Variants in TLN2 observed in about 807,000 individuals in gnomAD.
TLN2 encodes talin-2.
A neutral mutation model predicts 294.7 loss-of-function variants in TLN2; 118 were observed. That is an observed-to-expected ratio of 0.40 (90% CI 0.34 to 0.47). The LOEUF is 0.47. Among genes scored for constraint, TLN2 ranks in the 20% least tolerant of loss-of-function variants. TLN2 has a pLI of 0.84. For synonymous variants in TLN2, 1,431 were observed against 1,304.5 expected, an observed-to-expected ratio of 1.10 and a Z score of -2.09; for missense variants, 3,083 against 3,282.2, an observed-to-expected ratio of 0.94 and a Z score of 1.48.
chr15:62,702,348 G>A, intron 18 of TLN2, 148 bp downstream of exon 18: 2 of 924,032 alleles, frequency 2.2e-6, no homozygotes, highest in Non-Finnish European at 1.6e-6. Flanking sequence ...TGTGGAACTG[G>A]GTGCAGAAGC....
chr15:62,437,385 G>C (rs1005825931), intron 1 of TLN2, among the ~76,000 whole-genome samples: 2 of 151,884 alleles, frequency 1.3e-5, no homozygotes, highest in African/African-American at 4.8e-5. Context: ...AGCTAGCTGG[G>C]ACTATAAGTG....
In TLN2 at chr15:62,800,786, T is replaced by G; in HGVS notation, c.6477+17T>G. ...GAGCTTACGGTAAGGAGCCAGCAGT[T>G]ACCTCCCTTGGGTACCAGAGTCCCA... On this transcript the variant is annotated intron_variant, in intron 50 of 58. Transcript: ENST00000636159. The G allele has an allele frequency of 6.3e-7, 1 of 1,599,804 alleles. No individual in the cohort carries two copies. Among genetic ancestry groups the G allele is most frequent in the Non-Finnish European group, 8.5e-7 (1 of 1,171,808 alleles).
intron 1 of TLN2, among the ~76,000 whole-genome samples, chr15:62,433,720 T>C (rs768992086): frequency 2.6e-5 from 4 of 152,168 alleles, no homozygotes; most frequent in Non-Finnish European, 5.9e-5. Flanking sequence ...TATTTGAAGC[T>C]TGAATGAATC....
chr15:62,447,371 G>T (rs375710900), intron 1 of TLN2, among the ~76,000 whole-genome samples: 11 of 152,250 alleles, frequency 7.2e-5, no homozygotes, highest in East Asian at 5.8e-4. Context: ...GGAGCACTTG[G>T]AAACAGCATG....
chr15:62,707,286 C>T, intron 20 of TLN2, 33 bp downstream of exon 20: 2 of 1,569,790 alleles, frequency 1.3e-6, no homozygotes, highest in Non-Finnish European at 1.7e-6. Flanking sequence ...CCTTTCTACC[C>T]AGTATCACCT....
At chr15:62,677,473 G>A (rs1008053279) in intron 11 of TLN2, among the ~76,000 whole-genome samples, 1 of 152,194 alleles carries the variant, frequency 6.6e-6, no homozygotes, top group Admixed American at 6.5e-5. Context: ...AGGAAGAGAA[G>A]TTGAACACCA....
chr15:62,695,359 T>C (rs2058253419), intron 14 of TLN2, among the ~76,000 whole-genome samples: 2 of 152,212 alleles, frequency 1.3e-5, no homozygotes, highest in Non-Finnish European at 2.9e-5. Flanking sequence ...GGGACAATCC[T>C]GACCATTCTT....
Position 62,757,082 on chromosome 15 carries a change from CT to C in TLN2, c.4638+1392del, listed in dbSNP as rs542648691. Among the ~76,000 whole-genome samples the C allele has an allele frequency of 9.9e-5, 15 of 152,268 alleles. No individual in the cohort carries two copies. The East Asian group carries it at 2.7e-3, about 27-fold the overall frequency. ...TACATTTAAAAATGTTTATTTTGTGCTTTAGGTATGTTACTCATTCACTCCA... is the reference window on the plus strand; with the variant it reads ...TACATTTAAAAATGTTTATTTTGTGCTTAGGTATGTTACTCATTCACTCCA... On this transcript the variant is annotated intron_variant, in intron 37 of 58. Transcript: ENST00000636159.
At chr15:62,396,854 G>A (rs1465334415) in intron 1 of TLN2, among the ~76,000 whole-genome samples, 3 of 152,060 alleles carry the variant, frequency 2.0e-5, no homozygotes, top group East Asian at 1.9e-4. Flanking sequence ...AAGGGCATGC[G>A]CCACCACTCC....
intron 1 of TLN2, among the ~76,000 whole-genome samples, chr15:62,510,861 A>G (rs1223734607): frequency 1.3e-5 from 2 of 152,260 alleles, no homozygotes; most frequent in Non-Finnish European, 2.9e-5. Context: ...GTTACGTGCT[A>G]TAGAGTGATA....
intron 32 of TLN2, among the ~76,000 whole-genome samples, chr15:62,748,040 AC>A: frequency 6.6e-6 from 1 of 152,104 alleles, no homozygotes; most frequent in Admixed American, 6.5e-5. Context: ...CACTGGTGTA[AC>A]TTTTACTGAA....
chr15:62,494,015 C>T (rs888774387), intron 1 of TLN2, among the ~76,000 whole-genome samples: 3 of 152,086 alleles, frequency 2.0e-5, no homozygotes, highest in Admixed American at 1.3e-4. Context: ...ATACCACCCC[C>T]CTTTGTCTGG....
intron 1 of TLN2, among the ~76,000 whole-genome samples, chr15:62,482,550 C>T (rs1191471358): frequency 1.4e-5 from 2 of 142,574 alleles, no homozygotes; most frequent in Non-Finnish European, 3.0e-5. Context: ...TGTGGTGAGC[C>T]GAGATCGTGC....
intron 3 of TLN2, among the ~76,000 whole-genome samples, chr15:62,643,479 G>A (rs372031256): frequency 9.2e-5 from 10 of 108,676 alleles, no homozygotes; most frequent in South Asian, 9.1e-4. Context: ...TGCAATAGTT[G>A]TTTTTGGGTG....
At chr15:62,672,252 G>C (rs945633051) in intron 9 of TLN2, among the ~76,000 whole-genome samples, 5 of 152,092 alleles carry the variant, frequency 3.3e-5, no homozygotes, top group Non-Finnish European at 4.4e-5. Flanking sequence ...ATAAATACTT[G>C]TTTCTTTCTC....
rs757466179 is a variant in TLN2, at chr15:62,719,758, C to T, written c.2878-9C>T. On this transcript the variant is annotated splice_polypyrimidine_tract_variant and intron_variant, in intron 24 of 58. Transcript: ENST00000636159. ...AGCCATGCTGTTTTTATTTCCTTGC[C>T]TTCTGCAGGCAGTGGCTGATCACAT... 2 of 1,589,566 alleles carry T rather than the reference C, an allele frequency of 1.3e-6. No individual in the cohort carries two copies. Among genetic ancestry groups the T allele is most frequent in the South Asian group, 1.1e-5 (1 of 87,292 alleles).
intron 37 of TLN2, among the ~76,000 whole-genome samples, chr15:62,759,591 C>T (rs1459841247): frequency 6.6e-6 from 1 of 152,196 alleles, no homozygotes; most frequent in Non-Finnish European, 1.5e-5. Flanking sequence ...GGCTGCCCTT[C>T]TTCCCAATAG....
Position 62,400,203 on chromosome 15 carries a change from C to T in TLN2, c.-238+9518C>T, listed in dbSNP as rs1246910877. Among the ~76,000 whole-genome samples, 7 of 152,306 alleles carry T rather than the reference C, an allele frequency of 4.6e-5. No homozygotes were observed. The East Asian group carries it at 1.3e-3, about 29-fold the overall frequency. ...GTGAAGAAGGACATGTTTGCTTCCC[C>T]TTCTGCCATTATTGTAAGTTTCCTC... On this transcript the variant is annotated intron_variant, in intron 1 of 58. Transcript: ENST00000636159.
At chr15:62,466,700 A>G (rs998895504) in intron 1 of TLN2, among the ~76,000 whole-genome samples, 6 of 152,262 alleles carry the variant, frequency 3.9e-5, no homozygotes, top group African/African-American at 1.4e-4. Context: ...TCCAGTAGGT[A>G]ACACTGGCTG....
Sources: gnomAD v4.1 joint callset for allele counts (sites outside exome capture counted in the v4.1 genomes callset) on GRCh38, gnomAD v4.1.1 for gene constraint, MANE v1.5 for transcripts, NCBI Gene and HGNC (gene_info 2026-07-23, HGNC 2026-07-21) for gene names.